The following TACC2 variants were observed in gnomAD, a reference collection of about 807,000 sequenced individuals.
TACC2 encodes the protein transforming acidic coiled-coil containing protein 2.
In TACC2, 137 loss-of-function variants were observed where a neutral mutation model predicts 227.3. That is an observed-to-expected ratio of 0.60 (90% CI 0.52 to 0.69). The LOEUF is 0.69. Among genes scored for constraint, TACC2 ranks in the 30% least tolerant of loss-of-function variants. The pLI is 0.00. For synonymous variants in TACC2, 1,523 were observed against 1,487.5 expected (o/e 1.02, Z -0.55); for missense variants, 3,470 against 3,694.4 (o/e 0.94, Z 1.57).
At chr10:122,173,007 C>T (rs2140109253) in intron 7 of TACC2, among the ~76,000 whole-genome samples, 1 of 152,234 alleles carries the variant, frequency 6.6e-6, no homozygotes, top group East Asian at 1.9e-4. Flanking sequence ...CCCAGAACAT[C>T]CTCAGACAGG....
chr10:122,012,349 G>T (rs1170139705), intron 1 of TACC2, among the ~76,000 whole-genome samples: 4 of 149,350 alleles, frequency 2.7e-5, no homozygotes, highest in African/African-American at 7.4e-5. Context: ...GAACCCAGGA[G>T]GCGGGGGTTG....
chr10:122,147,700 A>T (rs1314975081), intron 7 of TACC2, among the ~76,000 whole-genome samples: 5 of 152,134 alleles, frequency 3.3e-5, no homozygotes, highest in Non-Finnish European at 7.4e-5. Context: ...ACGTTATTTC[A>T]TTGCTCCAAT....
At chr10:122,088,804 A>G in intron 5 of TACC2, 2 of 1,466,944 alleles carry the variant, frequency 1.4e-6, no homozygotes, top group Middle Eastern at 1.8e-4. Flanking sequence ...AGTTGCTTTC[A>G]TACTTGAGTT....
At chr10:122,105,768 C>T (rs1377656312) in intron 5 of TACC2, among the ~76,000 whole-genome samples, 1 of 151,706 alleles carries the variant, frequency 6.6e-6, no homozygotes, top group Non-Finnish European at 1.5e-5. Context: ...TTACAGGTGC[C>T]CACCACCACA....
intron 3 of TACC2, among the ~76,000 whole-genome samples, chr10:122,054,556 A>G (rs960564081): frequency 1.3e-5 from 2 of 152,200 alleles, no homozygotes; most frequent in Non-Finnish European, 2.9e-5. Context: ...TGGAGCTATT[A>G]ATATTAGGTT....
At chr10:122,116,874 A>G (rs753246958) in intron 5 of TACC2, among the ~76,000 whole-genome samples, 2 of 148,416 alleles carry the variant, frequency 1.3e-5, no homozygotes, top group Admixed American at 1.3e-4. Context: ...TGTTCATCCT[A>G]CCTTGCTTTG....
chr10:122,210,537 T>C lies in TACC2; in HGVS notation c.6112T>C (p.Leu2038=). 1.2e-6 allele frequency: 2 copies of C among 1,614,084 alleles called. No homozygotes were observed. Among genetic ancestry groups the C allele is most frequent in the Admixed American group, 1.7e-5 (1 of 60,022 alleles). ...KPIASSGTYN[L]DFDNIELVDT... ...GATAGCCAGCAGTGGGACTTACAAC[T>C]TGGACTTTGACAACATTGAGCTTGT... Residue 2038 remains leucine, a synonymous_variant, in exon 9 of 23, where the codon TTG becomes CTG. Coordinates refer to ENST00000369005, the MANE Select transcript of TACC2 (RefSeq NM_206862.4). This position sits in a 1 kb window ranked among gnomAD's most constrained non-coding sequence, Gnocchi z 4.6.
At chr10:122,088,803 C>A in intron 5 of TACC2, 1 of 1,468,790 alleles carries the variant, frequency 6.8e-7, no homozygotes, top group Non-Finnish European at 9.1e-7. Context: ...GAGTTGCTTT[C>A]ATACTTGAGT....
intron 16 of TACC2, among the ~76,000 whole-genome samples, chr10:122,236,271 A>ATC (rs371288814): frequency 6.6e-6 from 1 of 151,322 alleles, no homozygotes; most frequent in Non-Finnish European, 1.5e-5. Flanking sequence ...CTTTCCCCAA[A>ATC]TCTCTCTCTC....
rs531543110 is a variant in TACC2, at chr10:122,153,132, ATT to A, written c.5834+9427_5834+9428del. The stretch of plus-strand genomic sequence containing the variant: ...TGCCTCAGCATCTTGAGTAGATGGG[ATT>A]ACAGGCATAGGTCACCACGCCCGGC... On this transcript the variant is annotated intron_variant, in intron 7 of 22. Transcript: ENST00000369005. Among the ~76,000 whole-genome samples, 126 of 151,790 alleles carry A rather than the reference ATT, an allele frequency of 8.3e-4. 2 individuals are homozygous for A. The South Asian group carries it at 0.026, about 31-fold the overall frequency.
At chr10:122,028,023 G>A (rs34860269) in intron 2 of TACC2, among the ~76,000 whole-genome samples, 2 of 149,936 alleles carry the variant, frequency 1.3e-5, no homozygotes, top group African/African-American at 2.5e-5. Context: ...GATTACAGGC[G>A]TGAGCCACTG....
At chr10:121,993,115 T>C (rs1953104213) in intron 1 of TACC2, among the ~76,000 whole-genome samples, 1 of 151,940 alleles carries the variant, frequency 6.6e-6, no homozygotes, top group Non-Finnish European at 1.5e-5. Context: ...AGCCAAGAGT[T>C]CAAGAACAGA....
chr10:122,083,729 T>C lies in TACC2; in HGVS notation c.1229T>C (p.Leu410Pro), dbSNP rs1188044643. Residue 410 changes from leucine to proline, a missense_variant, in exon 4 of 23, where the codon CTC (leucine) becomes CCC (proline). Physicochemically the swap from Leu to Pro is moderately conservative, Grantham distance 98 (BLOSUM62 -3). This residue lies in a region of TACC2 where 1,924 missense variants were observed against 1,978.3 expected (regional missense o/e 0.97). Transcript: ENST00000369005. ...GLPVSPEPSL[L>P]TPTEEAHPAS... is the part of the protein sequence containing the mutation. The stretch of plus-strand genomic sequence containing the variant: ...CCTGTGAGCCCTGAACCTTCCCTGC[T>C]CACTCCGACTGAGGAAGCACATCCA... The C allele has an allele frequency of 6.2e-7, 1 of 1,614,002 alleles. No homozygotes were observed. The highest frequency in any genetic ancestry group is 8.5e-7 in the Non-Finnish European group (1 of 1,180,038).
At chr10:122,236,777 C>T (rs532346747) in intron 16 of TACC2, among the ~76,000 whole-genome samples, 47 of 152,316 alleles carry the variant, frequency 3.1e-4, no homozygotes, top group African/African-American at 1.1e-3. Context: ...TTCATGGCAA[C>T]AGAACTCTTA....
rs1482983919 is a variant in TACC2, at chr10:122,141,348, C to T, written c.5700-2224C>T. Among the ~76,000 whole-genome samples the T allele has an allele frequency of 2.0e-5, 3 of 152,104 alleles. No homozygotes were observed. The highest frequency in any genetic ancestry group is 1.3e-4 in the Admixed American group (2 of 15,280). ...AACAGGCGGTGGAAGGAGGGGGGCG[C>T]CTTTCTTAAATGAGCTGTTGAGTCA... On this transcript the variant is annotated intron_variant, in intron 6 of 22. Transcript: ENST00000369005. The surrounding 1 kb of genome is among the most constrained non-coding windows in gnomAD (Gnocchi z 4.3).
chr10:122,176,109 CTCTCTCTCTATATA>C (rs1438055373), intron 7 of TACC2, among the ~76,000 whole-genome samples: 243 of 68,016 alleles, frequency 3.6e-3, no homozygotes, highest in African/African-American at 0.016. Context: ...CTCTCTCTCT[CTCTCTCTCTATATA>C]TATATATATA....
At chr10:122,169,211 C>T (rs971562120) in intron 7 of TACC2, among the ~76,000 whole-genome samples, 1 of 152,226 alleles carries the variant, frequency 6.6e-6, no homozygotes, top group Non-Finnish European at 1.5e-5. Flanking sequence ...AATATGGAAA[C>T]AGCTGGATGC....
intron 8 of TACC2, among the ~76,000 whole-genome samples, chr10:122,200,945 C>G (rs550419008): frequency 6.7e-6 from 1 of 148,690 alleles, no homozygotes; most frequent in Admixed American, 6.6e-5. Flanking sequence ...GGACAGCGAC[C>G]TCACCCGCCC....
At chr10:122,027,683 G>C (rs1156500577) in intron 2 of TACC2, among the ~76,000 whole-genome samples, 1 of 151,496 alleles carries the variant, frequency 6.6e-6, no homozygotes, top group Non-Finnish European at 1.5e-5. Flanking sequence ...TGCTGTTCTT[G>C]CACCTATGAC....
Sources: allele counts gnomAD v4.1 joint callset (sites outside exome capture counted in the v4.1 genomes callset), GRCh38; gene constraint gnomAD v4.1.1; regional missense constraint gnomAD v4.1.1; non-coding constraint Gnocchi (gnomAD v3.1); transcripts MANE v1.5; gene names NCBI Gene and HGNC (gene_info 2026-07-23, HGNC 2026-07-21).